The following AGTRAP variants were observed in gnomAD, a reference collection of about 807,000 sequenced individuals.
AGTRAP encodes angiotensin II receptor associated protein.
In AGTRAP, 7 loss-of-function variants were observed where a neutral mutation model predicts 15.2. The ratio of observed to expected loss-of-function variants is 0.46; its 90% CI spans 0.26 to 0.87. The LOEUF is 0.87. Among genes scored for constraint, AGTRAP ranks in the 40% least tolerant of loss-of-function variants. The pLI, the probability that AGTRAP is intolerant of heterozygous loss-of-function variation, is 0.15. For missense variants in AGTRAP, 187 were observed against 213.4 expected (o/e 0.88, Z 0.77); for synonymous variants, 74 against 89.6 (o/e 0.83, Z 0.98).
intron 1 of AGTRAP, among the ~76,000 whole-genome samples, chr1:11,739,002 G>C (rs1641963993): frequency 6.6e-6 from 1 of 152,150 alleles, no homozygotes; most frequent in African/African-American, 2.4e-5. Context: ...TCCTTCTCCA[G>C]GTTAGACTTC....
intron 2 of AGTRAP, among the ~76,000 whole-genome samples, chr1:11,746,835 C>T (rs954016084): frequency 1.3e-5 from 2 of 152,238 alleles, no homozygotes; most frequent in African/African-American, 4.8e-5. Context: ...AGTAAGTCAA[C>T]AATGTCAGTA....
At position 11,748,578 on chromosome 1, in the gene AGTRAP, G is replaced by A. The variant is rs750218314; in HGVS notation, c.332G>A (p.Arg111Gln). The change falls in exon 4 of 5, where the codon CGG becomes CAG. Residue 111 changes from arginine to glutamine, a missense_variant. Arg to Gln is a conservative substitution (Grantham distance 43). Transcript: ENST00000314340. ...TGCTGCTTCGTCTACCACATGTACC[G>A]GGAGCGCGGGGGTGAGCTCCTGGTC... ...LSCCFVYHMY[R>Q]ERGGELLVHT... 1.4e-5 allele frequency: 22 copies of A among 1,609,684 alleles called. No homozygotes were observed. The highest frequency in any genetic ancestry group is 4.5e-5 in the East Asian group (2 of 44,880).
intron 3 of AGTRAP, among the ~76,000 whole-genome samples, chr1:11,747,927 C>T (rs970734660): frequency 1.3e-5 from 2 of 152,204 alleles, no homozygotes; most frequent in Admixed American, 6.5e-5. Flanking sequence ...GGGCATTTCA[C>T]TACTTTAGGA....
At chr1:11,740,524 T>C (rs1642005047) in intron 1 of AGTRAP, among the ~76,000 whole-genome samples, 1 of 152,176 alleles carries the variant, frequency 6.6e-6, no homozygotes, top group South Asian at 2.1e-4. Flanking sequence ...GTTGTTTTCT[T>C]CCCTAACAGA....
intron 2 of AGTRAP, chr1:11,746,409 TC>T: frequency 1.7e-6 from 1 of 576,212 alleles, no homozygotes; most frequent in Non-Finnish European, 3.1e-6. Context: ...CGAATGGCAC[TC>T]CACACCTGCC....
chr1:11,737,880 G>A (rs1464789696), intron 1 of AGTRAP, among the ~76,000 whole-genome samples: 1 of 152,140 alleles, frequency 6.6e-6, no homozygotes, highest in Admixed American at 6.5e-5. Context: ...GGTGTTAGCC[G>A]CTACCAGTCA....
intron 3 of AGTRAP, among the ~76,000 whole-genome samples, 164 bp from the exon 4 acceptor site, chr1:11,748,251 C>T (rs745899142): frequency 6.6e-6 from 1 of 152,228 alleles, no homozygotes; most frequent in Non-Finnish European, 1.5e-5. Flanking sequence ...ACTGCAGTCT[C>T]AGCCAGCGGC....
At chr1:11,739,382 C>T (rs1297766899) in intron 1 of AGTRAP, among the ~76,000 whole-genome samples, 1 of 152,060 alleles carries the variant, frequency 6.6e-6, no homozygotes, top group Non-Finnish European at 1.5e-5. Flanking sequence ...GTAACCCCAC[C>T]TCTACTAAAA....
At chr1:11,749,991 G>A (rs578013704) in intron 4 of AGTRAP, 86 bp from the exon 5 acceptor site, 18 of 1,026,742 alleles carry the variant, frequency 1.8e-5, no homozygotes, top group Non-Finnish European at 2.4e-5. Flanking sequence ...CGAGGGTGGC[G>A]GGGGTGGATC....
chr1:11,750,065 CCT>C lies in AGTRAP; in HGVS notation c.365-11_365-10del, dbSNP rs1274599631. On this transcript the variant is annotated splice_polypyrimidine_tract_variant and intron_variant, in intron 4 of 4. Transcript: ENST00000314340. ...TTCATTTTTCTTTCCCACCATGTCC[CCT>C]GTCACCTAGGTTTCCTTGGGTCTTC... 3.1e-6 allele frequency: 5 copies of C among 1,607,260 alleles called. No homozygotes were observed. Among genetic ancestry groups the C allele is most frequent in the Admixed American group, 1.7e-5 (1 of 59,920 alleles).
chr1:11,741,217 C>T (rs1409019048), intron 1 of AGTRAP, among the ~76,000 whole-genome samples: 2 of 152,050 alleles, frequency 1.3e-5, no homozygotes, highest in African/African-American at 4.8e-5. Context: ...TCAGCCTCCC[C>T]CATCCCTTCC....
rs150438730 is a variant in AGTRAP, at chr1:11,745,558, G to A, written c.28-245G>A. ...GCCTCTGACGCTTGGAAGGGGTGTG[G>A]GTGTCAGCTGCCCCATGGGAGGGGT... On this transcript the variant is annotated intron_variant, in intron 1 of 4. Coordinates refer to ENST00000314340, the MANE Select transcript of AGTRAP (RefSeq NM_020350.5). This position sits in a 1 kb window ranked among gnomAD's most constrained non-coding sequence, Gnocchi z 4.2. 2.9e-4 allele frequency among the ~76,000 whole-genome samples: 44 copies of A among 152,272 alleles called. No individual in the cohort carries two copies. The highest frequency in any genetic ancestry group is 9.4e-4 in the African/African-American group (39 of 41,538).
chr1:11,740,436 T>C (rs987223002), intron 1 of AGTRAP, among the ~76,000 whole-genome samples: 8 of 152,208 alleles, frequency 5.3e-5, no homozygotes, highest in Admixed American at 5.2e-4. Context: ...CTAACTTTGT[T>C]CATATTTATC....
At chr1:11,747,049 G>A (rs138499116) in intron 2 of AGTRAP, among the ~76,000 whole-genome samples, 1 of 152,186 alleles carries the variant, frequency 6.6e-6, no homozygotes, top group African/African-American at 2.4e-5. Flanking sequence ...GGCTGTGTCC[G>A]GGATCCCACA....
At chr1:11,748,371 G>A (rs369289565) in intron 3 of AGTRAP, 44 bp from the exon 4 acceptor site, 1 of 1,580,182 alleles carries the variant, frequency 6.3e-7, no homozygotes, top group Non-Finnish European at 8.6e-7. Context: ...GAGCCACGGA[G>A]CGTGGTGGGG....
chr1:11,742,505 C>G (rs891570672), intron 1 of AGTRAP, among the ~76,000 whole-genome samples: 1 of 149,014 alleles, frequency 6.7e-6, no homozygotes, highest in African/African-American at 2.5e-5. Context: ...TCTTCCTTCT[C>G]TTTCTCTCTT....
intron 1 of AGTRAP, chr1:11,744,591 C>T: frequency 2.8e-6 from 2 of 714,818 alleles, no homozygotes; most frequent in Non-Finnish European, 5.2e-6. Context: ...CGCTCCGCTT[C>T]CCATCGAGGC....
intron 1 of AGTRAP, chr1:11,744,542 T>C (rs1570343324): frequency 5.6e-6 from 4 of 716,344 alleles, no homozygotes; most frequent in Non-Finnish European, 5.2e-6. Context: ...GTGCGCCAGC[T>C]CCAGTGTCCC....
chr1:11,744,488 G>T (rs1016012675), intron 1 of AGTRAP: 4 of 708,574 alleles, frequency 5.6e-6, no homozygotes, highest in African/African-American at 1.8e-5. Flanking sequence ...CCCTTTGCCC[G>T]CTCTCTCCAG....
Sources: gnomAD v4.1 joint callset for allele counts (sites outside exome capture counted in the v4.1 genomes callset) on GRCh38, gnomAD v4.1.1 for gene constraint, Gnocchi (gnomAD v3.1) non-coding constraint, MANE v1.5 for transcripts, NCBI Gene and HGNC (gene_info 2026-07-23, HGNC 2026-07-21) for gene names.